Variants in KCNQ3 observed in about 807,000 individuals in gnomAD.
The protein encoded by KCNQ3 is potassium voltage-gated channel subfamily Q member 3.
In KCNQ3, 30 loss-of-function variants were observed where a neutral mutation model predicts 92.5. The observed-to-expected ratio is 0.32, with a 90% confidence interval of 0.24 to 0.44. The LOEUF (loss-of-function observed/expected upper bound fraction) is 0.44. Ranked by LOEUF, KCNQ3 falls within the 20% of genes least tolerant of loss-of-function variation. KCNQ3 has a pLI of 1.00. For synonymous variants in KCNQ3, 450 were observed against 468.8 expected (o/e 0.96, Z 0.52); for missense variants, 913 against 1,140.3 (o/e 0.80, Z 2.87).
At chr8:132,289,012 T>C (rs1337373689) in intron 1 of KCNQ3, among the ~76,000 whole-genome samples, 2 of 152,154 alleles carry the variant, frequency 1.3e-5, no homozygotes, top group Non-Finnish European at 2.9e-5. Context: ...AGAACTATGG[T>C]TGGTGTTCAA....
At chr8:132,279,360 A>G in intron 1 of KCNQ3, among the ~76,000 whole-genome samples, 1 of 152,230 alleles carries the variant, frequency 6.6e-6, no homozygotes, top group Non-Finnish European at 1.5e-5. Context: ...GCCCTGGACC[A>G]GAGGATCAAC....
rs142902553 is a variant in KCNQ3, at chr8:132,255,564, C to A, written c.387-69383G>T. On this transcript the variant is annotated intron_variant, in intron 1 of 14. Coordinates refer to ENST00000388996, the MANE Select transcript of KCNQ3 (RefSeq NM_004519.4). ...AGATAAGTGCATACCCAATAAAGAC[C>A]CGAGAGAGCCCTAAGCTCTCACCTT... Among the ~76,000 whole-genome samples the A allele has an allele frequency of 4.5e-3, 687 of 152,252 alleles. 5 individuals are homozygous for A. Among genetic ancestry groups the A allele is most frequent in the African/African-American group, 0.015 (632 of 41,552 alleles).
intron 1 of KCNQ3, among the ~76,000 whole-genome samples, chr8:132,237,002 G>C: frequency 6.6e-6 from 1 of 152,152 alleles, no homozygotes; most frequent in Non-Finnish European, 1.5e-5. Flanking sequence ...ACTCGGAAGA[G>C]GATGCCGAGA....
At chr8:132,294,369 G>C (rs7838196) in intron 1 of KCNQ3, among the ~76,000 whole-genome samples, 19,802 of 152,116 alleles carry the variant, frequency 0.13, 1,393 homozygotes, top group African/African-American at 0.17. Flanking sequence ...CAGGGGACTG[G>C]GGGTGTTGCA....
chr8:132,139,971 T>C, intron 11 of KCNQ3, 105 bp downstream of exon 11: 1 of 778,828 alleles, frequency 1.3e-6, no homozygotes, highest in Non-Finnish European at 2.1e-6. Flanking sequence ...GGGGCTTCTC[T>C]TCCCCCTTCC....
At chr8:132,454,370 G>A (rs564764868) in intron 1 of KCNQ3, among the ~76,000 whole-genome samples, 70 of 152,286 alleles carry the variant, frequency 4.6e-4, no homozygotes, top group African/African-American at 1.4e-3. Flanking sequence ...CAGTGTGCCC[G>A]GAGTGTTATA....
intron 1 of KCNQ3, among the ~76,000 whole-genome samples, chr8:132,291,437 AT>A (rs1816832000): frequency 6.6e-6 from 1 of 152,212 alleles, no homozygotes; most frequent in Non-Finnish European, 1.5e-5. Context: ...GACATTGCCG[AT>A]GTCAAATCAT....
Position 132,129,559 on chromosome 8 carries a change from G to A in KCNQ3, c.2322C>T (p.Ile774=). 2 of 1,614,202 alleles carry A rather than the reference G, an allele frequency of 1.2e-6. No individual in the cohort carries two copies. The highest frequency in any genetic ancestry group is 1.7e-6 in the Non-Finnish European group (2 of 1,180,034). Residue 774 remains isoleucine (I), a synonymous_variant, in exon 15 of 15, where the codon ATC becomes ATT. Coordinates refer to ENST00000388996, the MANE Select transcript of KCNQ3 (RefSeq NM_004519.4). The surrounding 1 kb of genome is among the most constrained non-coding windows in gnomAD (Gnocchi z 5.9). ...ADLQGPYSDR[I]SPRQRRSITR... is the part of the protein sequence containing the mutation. ...TGATGCTACGTCTCTGCCGGGGGGA[G>A]ATTCGGTCCGAGTAGGGGCCCTGCA... is the stretch of plus-strand genomic sequence containing the variant.
intron 1 of KCNQ3, among the ~76,000 whole-genome samples, chr8:132,266,439 A>G (rs1815983999): frequency 6.6e-6 from 1 of 152,164 alleles, no homozygotes; most frequent in Admixed American, 6.5e-5. Context: ...TGTTTTGCAG[A>G]CGGGAAAATG....
intron 9 of KCNQ3, among the ~76,000 whole-genome samples, chr8:132,162,173 G>C (rs1202312357): frequency 6.6e-6 from 1 of 152,172 alleles, no homozygotes; most frequent in Admixed American, 6.5e-5. Flanking sequence ...GCCTCAAAAT[G>C]CATCTATCTG....
rs569660067 is a variant in KCNQ3, at chr8:132,167,664, G to C, written c.1235+2670C>G. Among the ~76,000 whole-genome samples, 3 of 152,138 alleles carry C rather than the reference G, an allele frequency of 2.0e-5. No homozygotes were observed. In the East Asian group the frequency reaches 5.8e-4, roughly 29 times the overall value. On this transcript the variant is annotated intron_variant, in intron 8 of 14. Coordinates refer to ENST00000388996, the MANE Select transcript of KCNQ3 (RefSeq NM_004519.4). ...ATTTCTCTAGGGACATTATACTTTC[G>C]TCCTTGAAAAAAGAAAGAAAGAAAT...
intron 1 of KCNQ3, among the ~76,000 whole-genome samples, chr8:132,459,054 G>A (rs1822004583): frequency 6.6e-6 from 1 of 152,082 alleles, no homozygotes; most frequent in Admixed American, 6.6e-5. Flanking sequence ...CCTTGTTTTA[G>A]ATGACCTTGA....
intron 1 of KCNQ3, among the ~76,000 whole-genome samples, chr8:132,365,000 A>G (rs1233234153): frequency 1.3e-5 from 2 of 152,124 alleles, no homozygotes; most frequent in Non-Finnish European, 2.9e-5. Context: ...CCTATTGTCC[A>G]CCTTCATCTG....
intron 1 of KCNQ3, among the ~76,000 whole-genome samples, chr8:132,407,157 AG>A (rs1820506755): frequency 6.6e-6 from 1 of 152,220 alleles, no homozygotes; most frequent in Non-Finnish European, 1.5e-5. Context: ...TGAGTTAGGC[AG>A]GAGGGCAGGG....
At chr8:132,299,140 A>C (rs1219679756) in intron 1 of KCNQ3, among the ~76,000 whole-genome samples, 1 of 144,122 alleles carries the variant, frequency 6.9e-6, no homozygotes, top group East Asian at 2.0e-4. Flanking sequence ...AAAAATTTTT[A>C]ATTTTTGTGA....
chr8:132,382,484 C>T (rs1383215775), intron 1 of KCNQ3, among the ~76,000 whole-genome samples: 4 of 152,230 alleles, frequency 2.6e-5, no homozygotes, highest in South Asian at 2.1e-4. Context: ...TGGAGCCACA[C>T]TTGTACAGCC....
intron 1 of KCNQ3, among the ~76,000 whole-genome samples, chr8:132,408,390 C>T (rs1820554233): frequency 6.6e-6 from 1 of 152,114 alleles, no homozygotes; most frequent in African/African-American, 2.4e-5. Flanking sequence ...GTCTTCTAGG[C>T]ATCCCCCTGA....
chr8:132,222,899 G>A (rs755324889), intron 1 of KCNQ3, among the ~76,000 whole-genome samples: 35 of 152,294 alleles, frequency 2.3e-4, no homozygotes, highest in Middle Eastern at 3.4e-3. Context: ...CTTACTTAAC[G>A]AGAAAAATAT....
At chr8:132,144,877 C>G (rs1338429443) in intron 9 of KCNQ3, among the ~76,000 whole-genome samples, 1 of 152,198 alleles carries the variant, frequency 6.6e-6, no homozygotes, top group Non-Finnish European at 1.5e-5. Flanking sequence ...GACATCCATT[C>G]TCTGTGCCCC....
Sources: gnomAD v4.1 joint callset for allele counts (sites outside exome capture counted in the v4.1 genomes callset) on GRCh38, gnomAD v4.1.1 for gene constraint, Gnocchi (gnomAD v3.1) non-coding constraint, MANE v1.5 for transcripts, NCBI Gene and HGNC (gene_info 2026-07-23, HGNC 2026-07-21) for gene names.